Variants in PDZRN4 observed in about 807,000 individuals in gnomAD.
PDZRN4 encodes PDZ domain containing ring finger 4.
A neutral mutation model predicts 99.0 loss-of-function variants in PDZRN4; 70 were observed. That is an observed-to-expected ratio of 0.71 (90% CI 0.58 to 0.86). PDZRN4 has a LOEUF of 0.86. Ranked by LOEUF, PDZRN4 falls within the 40% of genes least tolerant of loss-of-function variation. The pLI, the probability that PDZRN4 is intolerant of heterozygous loss-of-function variation, is 0.00. For missense variants in PDZRN4, 1,474 were observed against 1,331.2 expected (o/e 1.11, Z -1.67); for synonymous variants, 551 against 501.6 (o/e 1.10, Z -1.32).
At chr12:41,222,697 G>C (rs1808922671) in intron 3 of PDZRN4, among the ~76,000 whole-genome samples, 1 of 151,906 alleles carries the variant, frequency 6.6e-6, no homozygotes, top group Non-Finnish European at 1.5e-5. Context: ...GCTAGTTTTT[G>C]TATTTTTAGT....
At chr12:41,474,312 CT>C (rs1485894690) in intron 3 of PDZRN4, among the ~76,000 whole-genome samples, 1 of 152,150 alleles carries the variant, frequency 6.6e-6, no homozygotes, top group Non-Finnish European at 1.5e-5. Context: ...GGTTAAGTGT[CT>C]TGTCAAAGGC....
At chr12:41,365,332 A>T (rs1951991250) in intron 3 of PDZRN4, among the ~76,000 whole-genome samples, 1 of 152,072 alleles carries the variant, frequency 6.6e-6, no homozygotes, top group Non-Finnish European at 1.5e-5. Flanking sequence ...GATTGTGCAC[A>T]TGAGCACATA....
chr12:41,285,872 G>A (rs1951419006), intron 3 of PDZRN4, among the ~76,000 whole-genome samples: 1 of 152,008 alleles, frequency 6.6e-6, no homozygotes, highest in African/African-American at 2.4e-5. Context: ...GCAAGGGGAG[G>A]GAGAGCATTA....
At chr12:41,389,332 A>G (rs778594752) in intron 3 of PDZRN4, among the ~76,000 whole-genome samples, 2 of 152,198 alleles carry the variant, frequency 1.3e-5, no homozygotes, top group African/African-American at 2.4e-5. Context: ...TATCACCAAA[A>G]TCCTTTAAAG....
intron 3 of PDZRN4, among the ~76,000 whole-genome samples, chr12:41,199,742 T>C (rs1196081313): frequency 6.6e-6 from 1 of 152,146 alleles, no homozygotes; most frequent in Non-Finnish European, 1.5e-5. Flanking sequence ...GGCCATTACC[T>C]TAGGTGAAAT....
chr12:41,407,712 GA>G (rs5797731), intron 3 of PDZRN4, among the ~76,000 whole-genome samples: 44,237 of 138,108 alleles, frequency 0.32, 6,931 homozygotes, highest in African/African-American at 0.42. Flanking sequence ...GTACAAAAGA[GA>G]AAAAAAAAAA....
intron 3 of PDZRN4, among the ~76,000 whole-genome samples, chr12:41,224,328 G>T (rs1210901172): frequency 1.3e-5 from 2 of 152,128 alleles, no homozygotes; most frequent in Non-Finnish European, 2.9e-5. Context: ...CTTAACCAAT[G>T]GCCAGCTAAA....
intron 3 of PDZRN4, among the ~76,000 whole-genome samples, chr12:41,242,115 C>T (rs1245282120): frequency 2.6e-5 from 4 of 152,162 alleles, no homozygotes; most frequent in Admixed American, 2.6e-4. Context: ...TTCAGCTTAT[C>T]CAACTCTTGA....
At chr12:41,505,475 A>G (rs931139029) in intron 3 of PDZRN4, among the ~76,000 whole-genome samples, 3 of 152,136 alleles carry the variant, frequency 2.0e-5, no homozygotes, top group African/African-American at 7.2e-5. Context: ...TAAATTGACA[A>G]ATATTTGAGA....
intron 9 of PDZRN4, among the ~76,000 whole-genome samples, chr12:41,569,518 G>C (rs1939438368): frequency 6.6e-6 from 1 of 152,172 alleles, no homozygotes; most frequent in South Asian, 2.1e-4. Context: ...GCCTCCTAAA[G>C]TGTTGGGATT....
chr12:41,307,621 T>G (rs1951580393), intron 3 of PDZRN4, among the ~76,000 whole-genome samples: 1 of 152,066 alleles, frequency 6.6e-6, no homozygotes, highest in Non-Finnish European at 1.5e-5. Flanking sequence ...TTTTTTTTTT[T>G]TTTTTGGTAA....
At chr12:41,472,457 A>G (rs1308903965) in intron 3 of PDZRN4, among the ~76,000 whole-genome samples, 1 of 152,210 alleles carries the variant, frequency 6.6e-6, no homozygotes, top group Non-Finnish European at 1.5e-5. Flanking sequence ...ATTAAAAAGT[A>G]ATTAATTTTC....
At chr12:41,205,903 C>A (rs572701504) in intron 3 of PDZRN4, among the ~76,000 whole-genome samples, 2 of 152,026 alleles carry the variant, frequency 1.3e-5, no homozygotes, top group African/African-American at 4.8e-5. Flanking sequence ...CCTTCTTCTA[C>A]ATTTTTCCTA....
At chr12:41,544,824 T>A (rs373648068) in intron 5 of PDZRN4, among the ~76,000 whole-genome samples, 5 of 152,142 alleles carry the variant, frequency 3.3e-5, no homozygotes, top group African/African-American at 1.2e-4. Context: ...CAATATACTA[T>A]GAAATCAGAG....
At position 41,461,498 on chromosome 12, in the gene PDZRN4, G is replaced by A. The variant is rs139502762; in HGVS notation, c.844-44958G>A. ...TTTGCTAAGGATAACAGCCTACAGT[G>A]TTGCTTTCCTAGAGAGAGTAACAGA... On this transcript the variant is annotated intron_variant, in intron 3 of 9. Coordinates refer to ENST00000402685, the MANE Select transcript of PDZRN4 (RefSeq NM_001164595.2). Among the ~76,000 whole-genome samples, 10 of 152,232 alleles carry A rather than the reference G, an allele frequency of 6.6e-5. No homozygotes were observed. The East Asian group carries it at 1.7e-3, about 26-fold the overall frequency.
At chr12:41,468,925 C>T (rs991981218) in intron 3 of PDZRN4, among the ~76,000 whole-genome samples, 2 of 151,884 alleles carry the variant, frequency 1.3e-5, no homozygotes, top group African/African-American at 4.8e-5. Flanking sequence ...ACAAGAATCG[C>T]TTGAACCCAG....
chr12:41,240,429 A>G (rs1951094643), intron 3 of PDZRN4, among the ~76,000 whole-genome samples: 1 of 152,206 alleles, frequency 6.6e-6, no homozygotes, highest in Non-Finnish European at 1.5e-5. Flanking sequence ...TAAATTTTAG[A>G]GGTGCATCTA....
intron 3 of PDZRN4, among the ~76,000 whole-genome samples, chr12:41,205,047 A>C (rs577736530): frequency 5.9e-5 from 9 of 152,104 alleles, no homozygotes; most frequent in African/African-American, 2.2e-4. Context: ...TTCATAGACT[A>C]TAAGATAAAA....
At chr12:41,332,417 G>A (rs538875789) in intron 3 of PDZRN4, among the ~76,000 whole-genome samples, 16 of 152,156 alleles carry the variant, frequency 1.1e-4, no homozygotes, top group African/African-American at 3.4e-4. Flanking sequence ...GAAGAGAGGA[G>A]AGGAAATGTG....
Sources: gnomAD v4.1 joint callset for allele counts (sites outside exome capture counted in the v4.1 genomes callset) on GRCh38, gnomAD v4.1.1 for gene constraint, MANE v1.5 for transcripts, NCBI Gene and HGNC (gene_info 2026-07-23, HGNC 2026-07-21) for gene names.